The following CFAP299 variants were observed in gnomAD, a reference collection of about 807,000 sequenced individuals.
CFAP299 encodes the protein cilia and flagella associated protein 299.
CFAP299 carries 21 observed loss-of-function variants against 27.0 expected under a neutral mutation model. That is an observed-to-expected ratio of 0.78 (90% CI 0.55 to 1.12). CFAP299 has a LOEUF of 1.12. Among genes scored for constraint, CFAP299 ranks in the 50% most tolerant of loss-of-function variants. CFAP299 has a pLI of 0.00. For synonymous variants in CFAP299, 104 were observed against 98.1 expected, an observed-to-expected ratio of 1.06 and a Z score of -0.36; for missense variants, 310 against 276.6, an observed-to-expected ratio of 1.12 and a Z score of -0.86.
intron 3 of CFAP299, among the ~76,000 whole-genome samples, chr4:80,642,594 A>G (rs918008239): frequency 3.3e-5 from 5 of 151,656 alleles, no homozygotes; most frequent in African/African-American, 1.2e-4. Flanking sequence ...TGAAACCCCA[A>G]CTCTACTAAA....
At chr4:80,335,630 CAACA>C, upstream of CFAP299, 1 of 671,636 alleles carries the variant, frequency 1.5e-6, no homozygotes, top group Non-Finnish European at 2.7e-6. Flanking sequence ...ACAGAAACTG[CAACA>C]AACCGCCGGG....
intron 2 of CFAP299, among the ~76,000 whole-genome samples, chr4:80,374,355 T>G (rs1157150176): frequency 6.6e-6 from 1 of 152,148 alleles, no homozygotes; most frequent in East Asian, 1.9e-4. Flanking sequence ...TTGACCATAT[T>G]ATCAGCCTGG....
chr4:80,472,845 G>A (rs1730074763), intron 2 of CFAP299, among the ~76,000 whole-genome samples: 1 of 152,072 alleles, frequency 6.6e-6, no homozygotes, highest in Non-Finnish European at 1.5e-5. Context: ...AGATAATAAT[G>A]AATCTCCAGG....
At chr4:80,651,367 C>CTTTTTTTTTTTTTTT (rs11365987) in intron 3 of CFAP299, among the ~76,000 whole-genome samples, 1 of 133,778 alleles carries the variant, frequency 7.5e-6, no homozygotes. Context: ...TCTTCTTCTT[C>CTTTTTTTTTTTTTTT]TTTTTTTTTT....
At chr4:80,913,061 T>A (rs1735559407) in intron 4 of CFAP299, among the ~76,000 whole-genome samples, 1 of 152,160 alleles carries the variant, frequency 6.6e-6, no homozygotes. Flanking sequence ...AAATTTTTTA[T>A]AAAGGCACCT....
intron 3 of CFAP299, among the ~76,000 whole-genome samples, chr4:80,819,534 A>G (rs2110123017): frequency 1.3e-5 from 2 of 152,294 alleles, no homozygotes; most frequent in East Asian, 3.9e-4. Flanking sequence ...TGATTTCTAG[A>G]CAAGTAAAAG....
At chr4:80,542,389 T>A (rs1403725591) in intron 2 of CFAP299, among the ~76,000 whole-genome samples, 1 of 151,948 alleles carries the variant, frequency 6.6e-6, no homozygotes, top group African/African-American at 2.4e-5. Context: ...GAATATCGAG[T>A]AAACTGTCAT....
intron 4 of CFAP299, among the ~76,000 whole-genome samples, chr4:80,877,551 T>C (rs919895467): frequency 6.6e-6 from 1 of 152,218 alleles, no homozygotes; most frequent in African/African-American, 2.4e-5. Context: ...ATTGTGTCTC[T>C]GGATAAACCT....
In CFAP299 at chr4:80,367,140, CTT is replaced by C. The variant is rs528832811; in HGVS notation, c.242+4258_242+4259del. ...ATAGACATTGGTGATAATTGCATAA[CTT>C]TGTAAATATACTAAAATCTATTGAC... On this transcript the variant is annotated intron_variant, in intron 2 of 5. Transcript: ENST00000358105. Among the ~76,000 whole-genome samples, 476 of 152,158 alleles carry C rather than the reference CTT, an allele frequency of 3.1e-3. 4 individuals carry two copies. The highest frequency in any genetic ancestry group is 0.011 in the African/African-American group (458 of 41,520).
At chr4:80,568,703 A>G (rs1454817482) in intron 2 of CFAP299, among the ~76,000 whole-genome samples, 2 of 152,042 alleles carry the variant, frequency 1.3e-5, no homozygotes, top group Non-Finnish European at 2.9e-5. Flanking sequence ...TGGAGAGGAG[A>G]AAGAAGAAAG....
rs148428461 is a variant in CFAP299, at chr4:80,417,354, A to G, written c.242+54470A>G. On this transcript the variant is annotated intron_variant, in intron 2 of 5. Transcript: ENST00000358105. Reference sequence around the variant, plus strand: ...GACCTGTATCTTTTGCTAACCTCCTATCTCATTGTGTGGCTTAGAATGCCT... The same window carrying G: ...GACCTGTATCTTTTGCTAACCTCCTGTCTCATTGTGTGGCTTAGAATGCCT... Among the ~76,000 whole-genome samples the G allele has an allele frequency of 5.8e-3, 880 of 152,018 alleles. 11 individuals are homozygous for G. Among genetic ancestry groups the G allele is most frequent in the African/African-American group, 0.02 (835 of 41,422 alleles).
At chr4:80,823,811 A>T (rs1437803648) in intron 3 of CFAP299, among the ~76,000 whole-genome samples, 1 of 152,108 alleles carries the variant, frequency 6.6e-6, no homozygotes. Flanking sequence ...AGGGAGGTTA[A>T]GTTACCAGCA....
intron 2 of CFAP299, among the ~76,000 whole-genome samples, chr4:80,474,246 A>G (rs1478973006): frequency 6.6e-6 from 1 of 152,232 alleles, no homozygotes; most frequent in Non-Finnish European, 1.5e-5. Flanking sequence ...AAGTTGGATT[A>G]CTAACATGAC....
chr4:80,770,472 C>T (rs1460316694), intron 3 of CFAP299, among the ~76,000 whole-genome samples: 2 of 152,128 alleles, frequency 1.3e-5, no homozygotes, highest in Non-Finnish European at 2.9e-5. Context: ...TTTTGCTAAG[C>T]ATTCTGCCAT....
At chr4:80,420,624 T>G (rs775256225) in intron 2 of CFAP299, among the ~76,000 whole-genome samples, 1 of 152,194 alleles carries the variant, frequency 6.6e-6, no homozygotes, top group Admixed American at 6.5e-5. Context: ...TTATTTGTTT[T>G]CTTTTTATGG....
chr4:80,527,283 AC>A (rs995969875), intron 2 of CFAP299, among the ~76,000 whole-genome samples: 8 of 151,574 alleles, frequency 5.3e-5, no homozygotes, highest in African/African-American at 1.7e-4. Flanking sequence ...GTGAAAAAAA[AC>A]ATATTGGAGG....
intron 4 of CFAP299, among the ~76,000 whole-genome samples, chr4:80,923,640 A>G (rs926095993): frequency 6.6e-6 from 1 of 152,020 alleles, no homozygotes; most frequent in Non-Finnish European, 1.5e-5. Flanking sequence ...AGCTGCCACT[A>G]TGGTGCTAGT....
intron 2 of CFAP299, among the ~76,000 whole-genome samples, chr4:80,452,154 G>C (rs955149505): frequency 2.0e-5 from 3 of 152,108 alleles, no homozygotes; most frequent in African/African-American, 4.8e-5. Context: ...CTCTACCTCA[G>C]AGTGCTGCCA....
chr4:80,931,935 A>G lies in CFAP299; in HGVS notation c.477-12875A>G, dbSNP rs180750922. On this transcript the variant is annotated intron_variant, in intron 4 of 5. Coordinates refer to ENST00000358105, the MANE Select transcript of CFAP299 (RefSeq NM_152770.3). ...GGAGACAATTGGCTTCAAAAGTCCC[A>G]CTTGGGAGTTTATTCCTTGCCTTCC... Among the ~76,000 whole-genome samples the G allele has an allele frequency of 2.0e-3, 300 of 152,224 alleles. 1 individual carries two copies. Among genetic ancestry groups the G allele is most frequent in the African/African-American group, 6.9e-3 (286 of 41,534 alleles).
Sources: gnomAD v4.1 joint callset for allele counts (sites outside exome capture counted in the v4.1 genomes callset) on GRCh38, gnomAD v4.1.1 for gene constraint, MANE v1.5 for transcripts, NCBI Gene and HGNC (gene_info 2026-07-23, HGNC 2026-07-21) for gene names.